NUDCD1: variants seen among roughly 807,000 people sequenced by gnomAD.
NUDCD1 encodes NudC domain containing 1.
In NUDCD1, 60 loss-of-function variants were observed where a neutral mutation model predicts 67.8. The ratio of observed to expected loss-of-function variants is 0.88; its 90% CI spans 0.72 to 1.10. The LOEUF is 1.10. NUDCD1 is among the 50% of genes least tolerant of loss of function. The pLI is 0.00. For missense variants in NUDCD1, 643 were observed against 695.0 expected (o/e 0.93, Z 0.84); for synonymous variants, 244 against 230.8 (o/e 1.06, Z -0.52).
chr8:109,314,751 T>C (rs1815349356), intron 2 of NUDCD1, among the ~76,000 whole-genome samples: 1 of 152,048 alleles, frequency 6.6e-6, no homozygotes, highest in African/African-American at 2.4e-5. Flanking sequence ...AAAATTATAA[T>C]GCCCATATAT....
intron 8 of NUDCD1, among the ~76,000 whole-genome samples, chr8:109,255,037 A>G (rs1671095102): frequency 6.6e-6 from 1 of 152,184 alleles, no homozygotes; most frequent in Admixed American, 6.5e-5. Context: ...AAACTTGGTA[A>G]GTTCAGAGAT....
chr8:109,245,721 A>G (rs530482530), intron 8 of NUDCD1, among the ~76,000 whole-genome samples: 5 of 152,286 alleles, frequency 3.3e-5, no homozygotes, highest in African/African-American at 1.2e-4. Flanking sequence ...CAGCCTGGCC[A>G]TAAGTCATGG....
rs1424678512 is a variant in NUDCD1 at position 109,240,930 on chromosome 8, T to C, written c.*2079A>G. Reference sequence around the variant, plus strand: ...AATGACTCTTAATATGCAAAACACATAAAATACTACTTTATTACTATCATA... The same window carrying C: ...AATGACTCTTAATATGCAAAACACACAAAATACTACTTTATTACTATCATA... On this transcript the variant is annotated 3_prime_UTR_variant, in exon 10 of 10. Transcript: ENST00000239690. 6.6e-6 allele frequency: 1 copy of C among 152,192 alleles called. No homozygotes were observed. Among genetic ancestry groups the C allele is most frequent in the Admixed American group, 6.5e-5 (1 of 15,268 alleles). The allele number at this position is 152,192 out of a possible 1,614,324, so 9.4% of individuals were successfully genotyped here. A position where few individuals can be genotyped will look rare whatever the true frequency, so the allele number is the denominator to read the frequency against.
At chr8:109,282,162 C>T (rs1348200554) in intron 5 of NUDCD1, among the ~76,000 whole-genome samples, 1 of 152,198 alleles carries the variant, frequency 6.6e-6, no homozygotes, top group African/African-American at 2.4e-5. Flanking sequence ...CAGTCTCGTC[C>T]TGCCCATCTT....
At chr8:109,273,631 T>C (rs1196111986) in intron 7 of NUDCD1, among the ~76,000 whole-genome samples, 1 of 152,060 alleles carries the variant, frequency 6.6e-6, no homozygotes, top group East Asian at 1.9e-4. Flanking sequence ...TAGACCTATA[T>C]CTGTTAAAAG....
intron 6 of NUDCD1, among the ~76,000 whole-genome samples, chr8:109,275,884 A>G (rs920117684): frequency 6.6e-6 from 1 of 152,140 alleles, no homozygotes; most frequent in Non-Finnish European, 1.5e-5. Context: ...GCAAAGAGTA[A>G]AAGGGCTGTA....
chr8:109,253,877 A>G (rs1813673468), intron 8 of NUDCD1, among the ~76,000 whole-genome samples: 1 of 152,228 alleles, frequency 6.6e-6, no homozygotes, highest in Non-Finnish European at 1.5e-5. Context: ...ACAAAAGGAT[A>G]TTGCATCATA....
intron 8 of NUDCD1, among the ~76,000 whole-genome samples, chr8:109,259,012 C>A (rs1341708002): frequency 1.3e-5 from 2 of 152,294 alleles, no homozygotes; most frequent in African/African-American, 4.8e-5. Context: ...ACTGTGATAC[C>A]TGAACTTTAA....
chr8:109,243,191 C>T lies in NUDCD1; in HGVS notation c.1570G>A (p.Ala524Thr), dbSNP rs1813412674. The T allele has an allele frequency of 1.2e-6, 2 of 1,613,724 alleles. No individual in the cohort carries two copies. The highest frequency in any genetic ancestry group is 1.1e-5 in the South Asian group (1 of 91,050). ...LRRVFIYRQP[A>T]PMSTVLYNRK... is the part of the protein sequence containing the mutation. ...TTGTAAAGTACAGTGGACATGGGAG[C>T]AGGCTGACGATAGATGAATACTCGA... is the stretch of plus-strand genomic sequence containing the variant. Residue 524 changes from alanine (A) to threonine (T), a missense_variant, in exon 10 of 10, where the codon GCT (alanine) becomes ACT (threonine). Ala to Thr is a moderately conservative substitution (Grantham distance 58). Transcript: ENST00000239690.
chr8:109,303,966 A>G (rs531597787), intron 2 of NUDCD1, among the ~76,000 whole-genome samples: 10 of 152,060 alleles, frequency 6.6e-5, no homozygotes, highest in African/African-American at 1.2e-4. Flanking sequence ...CAACCACCCC[A>G]TGGTGCCAAA....
At chr8:109,273,251 T>G (rs146665415) in intron 7 of NUDCD1, among the ~76,000 whole-genome samples, 144 of 152,220 alleles carry the variant, frequency 9.5e-4, no homozygotes, top group African/African-American at 3.2e-3. Flanking sequence ...GGAGAAGACC[T>G]GGTAACCATC....
chr8:109,255,307 A>T (rs182180072), intron 8 of NUDCD1, among the ~76,000 whole-genome samples: 2 of 152,324 alleles, frequency 1.3e-5, no homozygotes, highest in Non-Finnish European at 2.9e-5. Flanking sequence ...TGTCTAAAAA[A>T]TATGGAAAAG....
At chr8:109,281,390 G>A (rs907558839) in intron 5 of NUDCD1, among the ~76,000 whole-genome samples, 1 of 152,044 alleles carries the variant, frequency 6.6e-6, no homozygotes, top group Non-Finnish European at 1.5e-5. Context: ...TGATGCTTGA[G>A]GAGATAAAGC....
rs551648791 is a variant in NUDCD1, at chr8:109,306,056, C to T, written c.274-9487G>A. ...CACTCTCACTACTTGGACTGCACCC[C>T]GAAAACTTGTCATCCCTACTATTTC... is the stretch of plus-strand genomic sequence containing the variant. On this transcript the variant is annotated intron_variant, in intron 2 of 9. Coordinates refer to ENST00000239690, the MANE Select transcript of NUDCD1 (RefSeq NM_032869.4). Among the ~76,000 whole-genome samples the T allele has an allele frequency of 7.8e-4, 119 of 152,260 alleles. 1 individual carries two copies. Among genetic ancestry groups the T allele is most frequent in the Middle Eastern group, 3.4e-3 (1 of 294 alleles).
intron 8 of NUDCD1, among the ~76,000 whole-genome samples, chr8:109,266,154 TA>T (rs1813987780): frequency 1.2e-5 from 1 of 85,396 alleles, no homozygotes; most frequent in Admixed American, 1.3e-4. Context: ...TTAACTTTAA[TA>T]ACATTTTATT....
chr8:109,273,405 G>C (rs1411135459), intron 7 of NUDCD1, among the ~76,000 whole-genome samples: 2 of 152,100 alleles, frequency 1.3e-5, no homozygotes, highest in African/African-American at 4.8e-5. Flanking sequence ...AAAATTTAGA[G>C]AATGCAGCTA....
At chr8:109,271,208 T>A in intron 7 of NUDCD1, 78 bp from the exon 8 acceptor site, 1 of 989,162 alleles carries the variant, frequency 1.0e-6, no homozygotes, top group Non-Finnish European at 1.5e-6. Context: ...TTAAAAATTT[T>A]AAGGTTACAG....
intron 8 of NUDCD1, among the ~76,000 whole-genome samples, chr8:109,270,084 GCCTT>G (rs1411253758): frequency 2.1e-4 from 1 of 4,810 alleles, no homozygotes; most frequent in Non-Finnish European, 3.8e-4. Context: ...GGGGGGGGGT[GCCTT>G]AAGGTGGGGT....
intron 2 of NUDCD1, among the ~76,000 whole-genome samples, chr8:109,301,956 G>C (rs897652240): frequency 6.6e-6 from 1 of 152,134 alleles, no homozygotes; most frequent in Non-Finnish European, 1.5e-5. Context: ...AGTCAAGTGC[G>C]GGGATGCCTG....
Sources: allele counts gnomAD v4.1 joint callset (sites outside exome capture counted in the v4.1 genomes callset), GRCh38; gene constraint gnomAD v4.1.1; transcripts MANE v1.5; gene names NCBI Gene and HGNC (gene_info 2026-07-23, HGNC 2026-07-21).